The following RBFOX1 variants were observed in gnomAD, a reference collection of about 807,000 sequenced individuals.
RBFOX1 encodes the protein RNA binding fox-1 homolog 1.
In RBFOX1, 8 loss-of-function variants were observed where a neutral mutation model predicts 57.7. The observed-to-expected ratio is 0.14, with a 90% confidence interval of 0.08 to 0.25. The LOEUF (loss-of-function observed/expected upper bound fraction) is 0.25, where lower values mean the gene tolerates loss of function less well. Among genes scored for constraint, RBFOX1 ranks in the 10% least tolerant of loss-of-function variants. The probability of loss-of-function intolerance (pLI) is 1.00; values close to 1 mark genes in which losing one functional copy is unlikely to be tolerated. For synonymous variants in RBFOX1, 326 were observed against 222.4 expected (o/e 1.47, Z -4.15); for missense variants, 611 against 548.5 (o/e 1.11, Z -1.14).
At chr16:6,127,411 A>C (rs2096597818) in intron 1 of RBFOX1, among the ~76,000 whole-genome samples, 1 of 152,096 alleles carries the variant, frequency 6.6e-6, no homozygotes, top group South Asian at 2.1e-4. Flanking sequence ...TTAATTCAAG[A>C]AATGTTTGAG....
intron 4 of RBFOX1, chr16:7,510,071 C>G: frequency 1.1e-6 from 1 of 899,960 alleles, no homozygotes; most frequent in South Asian, 5.1e-5. Context: ...ATTGATGGGC[C>G]AGGCCTTCCT....
chr16:5,712,849 T>G (rs2051544775), intron 3 of RBFOX1, among the ~76,000 whole-genome samples: 1 of 152,172 alleles, frequency 6.6e-6, no homozygotes, highest in Non-Finnish European at 1.5e-5. Context: ...TCCACCCAAC[T>G]TCCACCCCCA....
At chr16:5,355,419 G>C (rs1008013090) in intron 1 of RBFOX1, among the ~76,000 whole-genome samples, 16 of 152,194 alleles carry the variant, frequency 1.1e-4, no homozygotes, top group Non-Finnish European at 2.2e-4. Flanking sequence ...CTGAGGACAA[G>C]GAGACCTCTT....
At chr16:6,606,149 A>G (rs532077023) in intron 2 of RBFOX1, among the ~76,000 whole-genome samples, 73 of 152,246 alleles carry the variant, frequency 4.8e-4, no homozygotes, top group African/African-American at 1.7e-3. Flanking sequence ...ATAATGCTGA[A>G]TGTATTTCCA....
At chr16:7,090,858 A>G (rs1263834340) in intron 4 of RBFOX1, among the ~76,000 whole-genome samples, 1 of 152,114 alleles carries the variant, frequency 6.6e-6, no homozygotes, top group East Asian at 1.9e-4. Flanking sequence ...CTTGCCGTAG[A>G]ATGAAGTAAA....
chr16:5,894,606 A>G (rs562280056), intron 4 of RBFOX1, among the ~76,000 whole-genome samples: 1 of 152,178 alleles, frequency 6.6e-6, no homozygotes, highest in Non-Finnish European at 1.5e-5. Flanking sequence ...TAGACAATTA[A>G]GAACAGTCGT....
At chr16:7,627,328 T>G (rs1332729252) in intron 10 of RBFOX1, among the ~76,000 whole-genome samples, 3 of 152,170 alleles carry the variant, frequency 2.0e-5, no homozygotes, top group African/African-American at 4.8e-5. Flanking sequence ...TTGTGAGGAT[T>G]CCAGGCCAAT....
intron 1 of RBFOX1, among the ~76,000 whole-genome samples, chr16:6,089,120 A>G (rs1333071832): frequency 6.6e-6 from 1 of 151,516 alleles, no homozygotes; most frequent in East Asian, 1.9e-4. Context: ...CATTGATATT[A>G]AAGAGTAATG....
At chr16:6,555,960 A>C (rs1436734787) in intron 2 of RBFOX1, among the ~76,000 whole-genome samples, 1 of 152,136 alleles carries the variant, frequency 6.6e-6, no homozygotes, top group African/African-American at 2.4e-5. Context: ...TTCTGGCATT[A>C]TTGGATGAAA....
intron 3 of RBFOX1, chr16:5,611,175 C>A (rs2047772972): frequency 6.6e-6 from 1 of 152,266 alleles, no homozygotes; most frequent in African/African-American, 2.4e-5. Flanking sequence ...GCCTGCCTTC[C>A]CCTGAAATCT....
chr16:6,317,112 C>T (rs2081206566), intron 2 of RBFOX1, 55 bp downstream of exon 2: 5 of 1,445,300 alleles, frequency 3.5e-6, no homozygotes, highest in East Asian at 2.5e-5. Context: ...TGTCTTTGAT[C>T]CTGTTCTCTC....
chr16:5,944,790 T>TAAAAAAAAAAA lies in RBFOX1; in HGVS notation c.351+77464_351+77474dup, dbSNP rs60749168. On this transcript the variant is annotated intron_variant, in intron 4 of 19. Transcript: ENST00000641259. ...CAACTTGGTGAAACCCTGTCTCTGC[T>TAAAAAAAAAAA]AAAAAAAAAAAAAAAAAAATTAGCT... Among the ~76,000 whole-genome samples the TAAAAAAAAAAA allele has an allele frequency of 1.0e-3, 43 of 41,250 alleles. 5 individuals carry two copies. The highest frequency in any genetic ancestry group is 5.1e-3 in the East Asian group (13 of 2,564). 27.1% of individuals were successfully genotyped at this position (41,250 alleles called of 152,430 possible).
At chr16:6,688,136 G>GCAC (rs1302730557) in intron 3 of RBFOX1, among the ~76,000 whole-genome samples, 1 of 152,070 alleles carries the variant, frequency 6.6e-6, no homozygotes. Flanking sequence ...TGTACAGGAA[G>GCAC]CACCACGGCT....
At chr16:7,422,289 G>A (rs1459864048) in intron 4 of RBFOX1, among the ~76,000 whole-genome samples, 1 of 152,140 alleles carries the variant, frequency 6.6e-6, no homozygotes, top group African/African-American at 2.4e-5. Context: ...ATATCATGTA[G>A]GCGTCTATAC....
intron 13 of RBFOX1, 37 bp from the exon 14 acceptor site, chr16:7,676,737 G>C (rs376493800): frequency 6.3e-7 from 1 of 1,580,354 alleles, no homozygotes; most frequent in Non-Finnish European, 8.7e-7. Context: ...ATTGGGCTCC[G>C]CTACATTCCT....
At chr16:6,941,803 C>G (rs1377085342) in intron 3 of RBFOX1, among the ~76,000 whole-genome samples, 1 of 152,036 alleles carries the variant, frequency 6.6e-6, no homozygotes, top group Non-Finnish European at 1.5e-5. Context: ...TATTGGAGGA[C>G]CTAACAAATA....
chr16:6,160,618 C>A lies in RBFOX1; in HGVS notation c.-127+140626C>A, dbSNP rs181487739. 4.6e-5 allele frequency among the ~76,000 whole-genome samples: 7 copies of A among 152,338 alleles called. No individual in the cohort carries two copies. In the East Asian group the frequency reaches 1.4e-3, roughly 29 times the overall value. ...TTTAAATGCACGCATCTTCTCCTGTCTGTTCCCAGTGGCTTTATCACACAA... is the reference window on the plus strand; with the variant it reads ...TTTAAATGCACGCATCTTCTCCTGTATGTTCCCAGTGGCTTTATCACACAA... On this transcript the variant is annotated intron_variant, in intron 1 of 15. Transcript: ENST00000550418.
At chr16:5,386,105 CT>C (rs33929621) in intron 1 of RBFOX1, among the ~76,000 whole-genome samples, 51,106 of 146,656 alleles carry the variant, frequency 0.35, 9,286 homozygotes, top group African/African-American at 0.47. Flanking sequence ...AAGTTTGCAA[CT>C]TTTTTTTTTT....
At chr16:7,358,994 G>A (rs928119295) in intron 4 of RBFOX1, among the ~76,000 whole-genome samples, 5 of 152,170 alleles carry the variant, frequency 3.3e-5, no homozygotes, top group Non-Finnish European at 4.4e-5. Context: ...TTTTTGGAAT[G>A]AAAAAATCTA....
Sources: allele counts gnomAD v4.1 joint callset (sites outside exome capture counted in the v4.1 genomes callset), GRCh38; gene constraint gnomAD v4.1.1; transcripts MANE v1.5; gene names NCBI Gene and HGNC (gene_info 2026-07-23, HGNC 2026-07-21).